Variants in PDE7B observed in about 807,000 individuals in gnomAD.
The protein encoded by PDE7B is 3',5'-cyclic-AMP phosphodiesterase 7B.
PDE7B carries 29 observed loss-of-function variants against 56.2 expected under a neutral mutation model. That is an observed-to-expected ratio of 0.52 (90% CI 0.38 to 0.70). The LOEUF (loss-of-function observed/expected upper bound fraction) is 0.70. PDE7B is among the 30% of genes least tolerant of loss of function. The pLI is 0.00. For missense variants in PDE7B, 490 were observed against 565.0 expected (o/e 0.87, Z 1.35); for synonymous variants, 197 against 196.9 (o/e 1.00, Z 0.00).
At chr6:136,123,483 C>T (rs575719233) in intron 3 of PDE7B, among the ~76,000 whole-genome samples, 48 of 152,262 alleles carry the variant, frequency 3.2e-4, no homozygotes, top group Middle Eastern at 3.4e-3. Context: ...TTTTTACAGG[C>T]AAATAGATTA....
chr6:135,916,387 TCTTTC>T (rs1773942560), intron 1 of PDE7B, among the ~76,000 whole-genome samples: 3 of 109,046 alleles, frequency 2.8e-5, no homozygotes, highest in Admixed American at 1.9e-4. Flanking sequence ...TCTTTTCTTT[TCTTTC>T]TTTTTTTTTT....
intron 2 of PDE7B, among the ~76,000 whole-genome samples, chr6:135,998,029 G>T (rs1010802975): frequency 6.6e-6 from 1 of 152,136 alleles, no homozygotes; most frequent in African/African-American, 2.4e-5. Flanking sequence ...CGTTAGGCAA[G>T]TCTCTACTGC....
chr6:136,078,479 C>T (rs1446699187), intron 2 of PDE7B, among the ~76,000 whole-genome samples: 1 of 151,948 alleles, frequency 6.6e-6, no homozygotes, highest in Non-Finnish European at 1.5e-5. Context: ...CCTTTAAAAA[C>T]CTCCATGTTA....
At chr6:136,060,715 AC>A (rs935379373) in intron 2 of PDE7B, among the ~76,000 whole-genome samples, 23 of 152,136 alleles carry the variant, frequency 1.5e-4, no homozygotes, top group African/African-American at 4.8e-4. Flanking sequence ...GCTAGTAAAA[AC>A]CTAAATAAGA....
chr6:136,194,529 G>C lies in PDE7B; in HGVS notation c.*2689G>C, dbSNP rs1003709170. Reference sequence around the variant, plus strand: ...ATTTGTTGGTAAAAAGAAAAAGAATGTGAAAATGTCTCTTTTTTTCTTGGC... The same window carrying C: ...ATTTGTTGGTAAAAAGAAAAAGAATCTGAAAATGTCTCTTTTTTTCTTGGC... On this transcript the variant is annotated 3_prime_UTR_variant, in exon 13 of 13. Transcript: ENST00000308191. The C allele has an allele frequency of 6.6e-6, 1 of 152,182 alleles. No individual in the cohort carries two copies. Among genetic ancestry groups the C allele is most frequent in the Non-Finnish European group, 1.5e-5 (1 of 68,030 alleles). 9.4% of individuals were successfully genotyped at this position (152,182 alleles called of 1,614,324 possible).
intron 11 of PDE7B, among the ~76,000 whole-genome samples, chr6:136,183,206 C>T (rs1779094869): frequency 6.6e-6 from 1 of 152,104 alleles, no homozygotes; most frequent in Admixed American, 6.6e-5. Flanking sequence ...GTACCTTCCT[C>T]TGGCATGTTT....
chr6:136,127,386 C>G (rs1371021876), intron 3 of PDE7B, among the ~76,000 whole-genome samples: 1 of 152,120 alleles, frequency 6.6e-6, no homozygotes, highest in Non-Finnish European at 1.5e-5. Context: ...TTTAAGCTAT[C>G]CATTACTATC....
chr6:135,926,488 T>TG lies in PDE7B; in HGVS notation c.22-20968dup, dbSNP rs35912372. Among the ~76,000 whole-genome samples the TG allele has an allele frequency of 7.8e-3, 1,173 of 149,922 alleles. 17 individuals carry two copies. The highest frequency in any genetic ancestry group is 0.029 in the East Asian group (147 of 5,044). ...TGGTCTAATGGTACTGAACTGCGGG[T>TG]GGGGGGGGCTTAGCAAAACCTGTGT... On this transcript the variant is annotated intron_variant, in intron 1 of 12. Coordinates refer to ENST00000308191, the MANE Select transcript of PDE7B (RefSeq NM_018945.4).
chr6:136,174,589 G>C (rs533505908), intron 9 of PDE7B, among the ~76,000 whole-genome samples: 1 of 152,104 alleles, frequency 6.6e-6, no homozygotes, highest in Non-Finnish European at 1.5e-5. Context: ...TAATGAACAC[G>C]TGCAGAACCC....
In PDE7B at chr6:135,935,194, A is replaced by ATATATATTTT. The variant is rs1562445461; in HGVS notation, c.22-12263_22-12262insTTTTATATAT. Among the ~76,000 whole-genome samples the ATATATATTTT allele has an allele frequency of 2.6e-5, 2 of 77,212 alleles. 1 individual carries two copies. Among genetic ancestry groups the ATATATATTTT allele is most frequent in the African/African-American group, 1.5e-4 (2 of 13,614 alleles). The allele number at this position is 77,212 out of a possible 152,430, so 50.7% of individuals were successfully genotyped here. A position where few individuals can be genotyped will look rare whatever the true frequency, so the allele number is the denominator to read the frequency against. On this transcript the variant is annotated intron_variant, in intron 1 of 12. Transcript: ENST00000308191. ...ATTTTATATATATATATTTATTTAT[A>ATATATATTTT]TATATATATATATATATATATATTT...
intron 2 of PDE7B, among the ~76,000 whole-genome samples, chr6:136,001,561 C>T (rs1198221636): frequency 1.3e-5 from 2 of 152,074 alleles, no homozygotes; most frequent in Non-Finnish European, 2.9e-5. Flanking sequence ...ATGCAGAAGC[C>T]TCAGGAGCCG....
Position 136,154,017 on chromosome 6 carries a change from G to A in PDE7B, c.479-58G>A, listed in dbSNP as rs909284933. 2.7e-6 allele frequency: 3 copies of A among 1,129,516 alleles called. No homozygotes were observed. In the African/African-American group the frequency reaches 4.6e-5, roughly 17 times the overall value. The allele number at this position is 1,129,516 out of a possible 1,614,324, so 70.0% of individuals were successfully genotyped here. A position where few individuals can be genotyped will look rare whatever the true frequency, so the allele number is the denominator to read the frequency against. Reference sequence around the variant, plus strand: ...CAAAAAGCACCCACAGTAAGTCTAAGCTAGTATACCACTCCTATTTGGGTT... The same window carrying A: ...CAAAAAGCACCCACAGTAAGTCTAAACTAGTATACCACTCCTATTTGGGTT... On this transcript the variant is annotated intron_variant, in intron 6 of 12. Coordinates refer to ENST00000308191, the MANE Select transcript of PDE7B (RefSeq NM_018945.4).
At chr6:136,030,213 T>A (rs546146174) in intron 2 of PDE7B, among the ~76,000 whole-genome samples, 2 of 152,346 alleles carry the variant, frequency 1.3e-5, no homozygotes, top group Admixed American at 1.3e-4. Flanking sequence ...GATGCTTTCA[T>A]TTATTCTAAG....
At chr6:136,190,010 T>TA (rs1480865062) in intron 12 of PDE7B, among the ~76,000 whole-genome samples, 2 of 152,356 alleles carry the variant, frequency 1.3e-5, no homozygotes, top group African/African-American at 4.8e-5. Flanking sequence ...AGTTGGATTT[T>TA]AAAATGTTGG....
intron 10 of PDE7B, 62 bp downstream of exon 10, chr6:136,179,203 T>C: frequency 1.3e-6 from 2 of 1,510,414 alleles, no homozygotes; most frequent in Non-Finnish European, 1.8e-6. Flanking sequence ...GGGCTGGGTG[T>C]GGTGGCTCAC....
intron 2 of PDE7B, among the ~76,000 whole-genome samples, chr6:135,981,313 C>T (rs1263212014): frequency 2.0e-5 from 3 of 148,112 alleles, no homozygotes; most frequent in Non-Finnish European, 3.0e-5. Context: ...AGGGATAGCA[C>T]TGGGAGATAT....
intron 1 of PDE7B, among the ~76,000 whole-genome samples, chr6:135,880,082 CTT>C (rs1000805087): frequency 6.6e-6 from 1 of 152,160 alleles, no homozygotes; most frequent in African/African-American, 2.4e-5. Context: ...AAAAATCACT[CTT>C]GTTTTCATAC....
chr6:136,057,719 T>G (rs1190998301), intron 2 of PDE7B, among the ~76,000 whole-genome samples: 1 of 152,118 alleles, frequency 6.6e-6, no homozygotes, highest in Admixed American at 6.5e-5. Context: ...AGATCACCAT[T>G]TTGTTGGGAT....
chr6:136,122,353 C>G (rs1777951564), intron 3 of PDE7B, among the ~76,000 whole-genome samples: 1 of 152,154 alleles, frequency 6.6e-6, no homozygotes, highest in Admixed American at 6.5e-5. Context: ...TAGACAAACG[C>G]ATTTTCTTTC....
Sources: gnomAD v4.1 joint callset for allele counts (sites outside exome capture counted in the v4.1 genomes callset) on GRCh38, gnomAD v4.1.1 for gene constraint, MANE v1.5 for transcripts, NCBI Gene and HGNC (gene_info 2026-07-23, HGNC 2026-07-21) for gene names.